CLIC4: variants seen among roughly 807,000 people sequenced by gnomAD.
CLIC4 encodes CLIC family member 4.
CLIC4 carries 13 observed loss-of-function variants against 24.6 expected under a neutral mutation model. The ratio of observed to expected loss-of-function variants is 0.53; its 90% CI spans 0.34 to 0.84. The LOEUF is 0.84. Among genes scored for constraint, CLIC4 ranks in the 40% least tolerant of loss-of-function variants. CLIC4 has a pLI of 0.01. For missense variants in CLIC4, 227 were observed against 301.7 expected (o/e 0.75, Z 1.83); for synonymous variants, 104 against 111.3 (o/e 0.93, Z 0.41).
chr1:24,839,791 T>C, intron 4 of CLIC4, 69 bp from the exon 5 acceptor site: 1 of 1,343,102 alleles, frequency 7.4e-7, no homozygotes, highest in Non-Finnish European at 1.0e-6. Context: ...TCAAAGAGTC[T>C]GCTTCTCCTT....
At chr1:24,760,492 G>A (rs1041150809) in intron 1 of CLIC4, among the ~76,000 whole-genome samples, 6 of 152,042 alleles carry the variant, frequency 3.9e-5, no homozygotes, top group African/African-American at 9.7e-5. Flanking sequence ...AACCCCCACC[G>A]CAGCTGCAGA....
intron 1 of CLIC4, among the ~76,000 whole-genome samples, chr1:24,762,684 C>T (rs1343214900): frequency 1.3e-5 from 2 of 151,970 alleles, no homozygotes; most frequent in Admixed American, 1.3e-4. Flanking sequence ...GATTTAACAC[C>T]CTGGAAGTTA....
chr1:24,820,558 C>T (rs1639719845), intron 3 of CLIC4, among the ~76,000 whole-genome samples: 1 of 152,088 alleles, frequency 6.6e-6, no homozygotes, highest in Non-Finnish European at 1.5e-5. Flanking sequence ...GCTGTCATGA[C>T]TGGTCCCTTT....
intron 1 of CLIC4, among the ~76,000 whole-genome samples, chr1:24,776,145 C>T (rs111330695): frequency 6.6e-6 from 1 of 152,106 alleles, no homozygotes; most frequent in Non-Finnish European, 1.5e-5. Flanking sequence ...CAGATTTATG[C>T]AGATTTTAGG....
intron 1 of CLIC4, among the ~76,000 whole-genome samples, chr1:24,783,424 G>A (rs534267606): frequency 6.6e-5 from 10 of 152,154 alleles, no homozygotes; most frequent in Non-Finnish European, 1.0e-4. Flanking sequence ...ATTTGTGGCC[G>A]GTCGTGGTGG....
intron 1 of CLIC4, among the ~76,000 whole-genome samples, chr1:24,791,230 A>C (rs983060322): frequency 2.0e-5 from 3 of 152,220 alleles, no homozygotes; most frequent in Non-Finnish European, 4.4e-5. Flanking sequence ...TTTTATGGTT[A>C]CTAATACAAA....
chr1:24,835,807 G>A (rs1339220703), intron 4 of CLIC4, among the ~76,000 whole-genome samples: 1 of 152,096 alleles, frequency 6.6e-6, no homozygotes, highest in Non-Finnish European at 1.5e-5. Context: ...AGGTAGGAGA[G>A]AAGAAAAGAA....
intron 2 of CLIC4, among the ~76,000 whole-genome samples, chr1:24,808,678 A>ATTTTTT (rs35508226): frequency 7.2e-6 from 1 of 138,294 alleles, no homozygotes; most frequent in Non-Finnish European, 1.5e-5. Context: ...TATCTATAAA[A>ATTTTTT]TTTTTTTTTT....
intron 2 of CLIC4, among the ~76,000 whole-genome samples, chr1:24,804,787 C>G (rs538780687): frequency 1.3e-5 from 2 of 151,982 alleles, no homozygotes; most frequent in East Asian, 3.9e-4. Context: ...AAACTGTTAT[C>G]AAGATGGTAA....
intron 4 of CLIC4, among the ~76,000 whole-genome samples, chr1:24,832,099 C>T (rs1639847676): frequency 6.6e-6 from 1 of 152,160 alleles, no homozygotes; most frequent in Admixed American, 6.5e-5. Flanking sequence ...ACATTGTATT[C>T]TCCTGTTAAT....
intron 1 of CLIC4, among the ~76,000 whole-genome samples, chr1:24,751,861 T>C (rs1328683627): frequency 2.0e-5 from 3 of 152,188 alleles, no homozygotes; most frequent in Non-Finnish European, 4.4e-5. Flanking sequence ...CAAGACTCTG[T>C]CTCAAAAACA....
intron 1 of CLIC4, among the ~76,000 whole-genome samples, chr1:24,796,101 T>G (rs1468902268): frequency 1.3e-5 from 2 of 152,272 alleles, no homozygotes; most frequent in Admixed American, 6.5e-5. Context: ...ATTTAAATTA[T>G]GAAAACATAT....
chr1:24,838,476 A>C (rs542827480), intron 4 of CLIC4, among the ~76,000 whole-genome samples: 1 of 152,274 alleles, frequency 6.6e-6, no homozygotes, highest in East Asian at 1.9e-4. Context: ...GGGTGGCTGC[A>C]ATTTGGAAGA....
At chr1:24,820,765 CT>C (rs1458461653) in intron 3 of CLIC4, among the ~76,000 whole-genome samples, 2 of 152,124 alleles carry the variant, frequency 1.3e-5, no homozygotes, top group African/African-American at 4.8e-5. Context: ...GTCTGAAGTG[CT>C]TATTATATAA....
Position 24,745,465 on chromosome 1 carries a change from G to C in CLIC4, c.-89G>C, listed in dbSNP as rs530789957. On this transcript the variant is annotated 5_prime_UTR_variant, in exon 1 of 6. Coordinates refer to ENST00000374379, the MANE Select transcript of CLIC4 (RefSeq NM_013943.3). ...GCCGGACAGTCCAGCGAGCAGCACG[G>C]CGGGAACCGGCAGCCGGAGCAGTCC... The C allele has an allele frequency of 9.6e-6, 12 of 1,252,310 alleles. No individual in the cohort carries two copies. The Admixed American group carries it at 2.3e-4, about 24-fold the overall frequency. 77.6% of individuals were successfully genotyped at this position (1,252,310 alleles called of 1,614,324 possible).
chr1:24,805,692 C>T (rs997759425), intron 2 of CLIC4, among the ~76,000 whole-genome samples: 2 of 152,102 alleles, frequency 1.3e-5, no homozygotes, highest in African/African-American at 4.8e-5. Context: ...GGGTCATCTT[C>T]AAGAGCCAGC....
chr1:24,797,699 C>T (rs1639420054), intron 1 of CLIC4, 43 bp from the exon 2 acceptor site: 2 of 1,371,660 alleles, frequency 1.5e-6, no homozygotes, highest in East Asian at 4.7e-5. Context: ...TGTTGAGTAT[C>T]ATCACTTTGA....
chr1:24,838,717 A>G (rs1317737617), intron 4 of CLIC4, among the ~76,000 whole-genome samples: 1 of 152,194 alleles, frequency 6.6e-6, no homozygotes, highest in Non-Finnish European at 1.5e-5. Context: ...AGAAAGGATA[A>G]TAGAAGATCT....
chr1:24,776,925 G>A (rs893206893), intron 1 of CLIC4, among the ~76,000 whole-genome samples: 7 of 152,090 alleles, frequency 4.6e-5, no homozygotes, highest in Admixed American at 4.6e-4. Context: ...AAAAAAACCC[G>A]AAAATGCTGG....
Sources: allele counts gnomAD v4.1 joint callset (sites outside exome capture counted in the v4.1 genomes callset), GRCh38; gene constraint gnomAD v4.1.1; transcripts MANE v1.5; gene names NCBI Gene and HGNC (gene_info 2026-07-23, HGNC 2026-07-21).